The following CLSTN1 variants were observed in gnomAD, a reference collection of about 807,000 sequenced individuals.
CLSTN1 encodes the protein calsyntenin 1.
Under a neutral mutation model 108.3 loss-of-function variants are expected in CLSTN1, and 28 were observed. The observed-to-expected ratio is 0.26, with a 90% CI of 0.19 to 0.35. The LOEUF is 0.35. Among genes scored for constraint, CLSTN1 ranks in the 10% least tolerant of loss-of-function variants. The pLI, the probability that CLSTN1 is intolerant of heterozygous loss-of-function variation, is 1.00. For synonymous variants in CLSTN1, 524 were observed against 534.9 expected (o/e 0.98, Z 0.28); for missense variants, 1,157 against 1,302.6 (o/e 0.89, Z 1.72).
chr1:9,762,976 T>C (rs1316224791), intron 2 of CLSTN1, among the ~76,000 whole-genome samples: 2 of 152,106 alleles, frequency 1.3e-5, no homozygotes, highest in African/African-American at 4.8e-5. Context: ...TTTTCTTTTT[T>C]TTGGAGACAG....
chr1:9,783,064 AT>A (rs113732801), intron 1 of CLSTN1, among the ~76,000 whole-genome samples: 10 of 152,188 alleles, frequency 6.6e-5, no homozygotes, highest in African/African-American at 2.4e-4. Flanking sequence ...AGTAACGGGG[AT>A]TTCAGCAGGT....
intron 7 of CLSTN1, among the ~76,000 whole-genome samples, chr1:9,746,191 C>T (rs908681553): frequency 2.6e-5 from 4 of 152,154 alleles, no homozygotes; most frequent in African/African-American, 7.2e-5. Context: ...TTATGTGTCT[C>T]CATGATTATT....
intron 1 of CLSTN1, among the ~76,000 whole-genome samples, chr1:9,790,354 T>C (rs115755617): frequency 0.027 from 4,107 of 151,608 alleles, 107 homozygotes; most frequent in Non-Finnish European, 0.042. Flanking sequence ...AATGAATGAA[T>C]AGCATCTTCT....
At chr1:9,759,587 TAC>T (rs1177141389) in intron 2 of CLSTN1, among the ~76,000 whole-genome samples, 1 of 152,210 alleles carries the variant, frequency 6.6e-6, no homozygotes, top group African/African-American at 2.4e-5. Flanking sequence ...TGGCCTCAAA[TAC>T]AGTTTCTATA....
intron 1 of CLSTN1, among the ~76,000 whole-genome samples, chr1:9,808,025 C>T (rs1654579696): frequency 6.6e-6 from 1 of 152,206 alleles, no homozygotes; most frequent in South Asian, 2.1e-4. Context: ...CCAATGCCTC[C>T]CACCACTCCA....
At chr1:9,760,078 G>GTTGT (rs1651998874) in intron 2 of CLSTN1, among the ~76,000 whole-genome samples, 1 of 151,814 alleles carries the variant, frequency 6.6e-6, no homozygotes, top group African/African-American at 2.4e-5. Context: ...TTGTTGGTTG[G>GTTGT]TTGTTTTAGA....
At chr1:9,786,658 A>AAC (rs1311519687) in intron 1 of CLSTN1, among the ~76,000 whole-genome samples, 1 of 150,100 alleles carries the variant, frequency 6.7e-6, no homozygotes, top group Non-Finnish European at 1.5e-5. Flanking sequence ...CAAAAAAAAA[A>AAC]AAAAAAAAAA....
rs553735504 is a variant in CLSTN1, at chr1:9,744,500, C to T, written c.1129G>A (p.Val377Ile). The change falls in exon 8 of 19, where the codon GTC becomes ATC. Residue 377 changes from valine (V) to isoleucine (I), a missense_variant. Coordinates refer to ENST00000377298, the MANE Select transcript of CLSTN1 (RefSeq NM_001009566.3). ...GTQAVRIPDGVVSVSPKEPFT... is the reference protein window; with the variant it reads ...GTQAVRIPDGIVSVSPKEPFT... ...GGCTCTTTGGGGCTGACCGACACGACGCCATCCGGGATCCTCACTGCCTGG... is the reference window on the plus strand; with the variant it reads ...GGCTCTTTGGGGCTGACCGACACGATGCCATCCGGGATCCTCACTGCCTGG... 7.4e-5 allele frequency: 119 copies of T among 1,612,794 alleles called. No individual in the cohort carries two copies. The Admixed American group carries it at 1.7e-3, about 23-fold the overall frequency.
intron 1 of CLSTN1, among the ~76,000 whole-genome samples, chr1:9,815,464 T>C (rs1214542539): frequency 1.3e-5 from 2 of 152,160 alleles, no homozygotes; most frequent in African/African-American, 4.8e-5. Context: ...AAGGAATTGG[T>C]TGGATGAAAT....
intron 1 of CLSTN1, among the ~76,000 whole-genome samples, chr1:9,804,959 T>TAAAAATACAATAC (rs1396490744): frequency 2.0e-4 from 31 of 151,900 alleles, no homozygotes; most frequent in African/African-American, 7.5e-4. Flanking sequence ...CCGTCTCTAC[T>TAAAAATACAATAC]AAAAATACAA....
intron 1 of CLSTN1, among the ~76,000 whole-genome samples, chr1:9,814,469 A>T (rs750477050): frequency 3.3e-5 from 5 of 152,234 alleles, no homozygotes; most frequent in Non-Finnish European, 5.9e-5. Flanking sequence ...ATTCACTTTG[A>T]ATCTAAAGAC....
chr1:9,776,525 A>T (rs932968314), intron 1 of CLSTN1, among the ~76,000 whole-genome samples: 5 of 145,844 alleles, frequency 3.4e-5, no homozygotes, highest in East Asian at 6.4e-4. Context: ...GTTTACATTT[A>T]AAAAAAAAAA....
intron 1 of CLSTN1, among the ~76,000 whole-genome samples, chr1:9,796,414 C>T (rs183382470): frequency 0.022 from 3,286 of 150,274 alleles, 152 homozygotes; most frequent in African/African-American, 0.071. Flanking sequence ...CGGTGGCTCA[C>T]GCCTGTAATC....
In CLSTN1 at chr1:9,768,728, G is replaced by A. The variant is rs1481165617; in HGVS notation, c.214+4544C>T. Among the ~76,000 whole-genome samples, 15 of 101,808 alleles carry A rather than the reference G, an allele frequency of 1.5e-4. No individual in the cohort carries two copies. The East Asian group carries it at 2.6e-3, about 17-fold the overall frequency. The allele number at this position is 101,808 out of a possible 152,430, so 66.8% of individuals were successfully genotyped here. A position where few individuals can be genotyped will look rare whatever the true frequency, so the allele number is the denominator to read the frequency against. Reference sequence around the variant, plus strand: ...CTGTGCTGGGTGGCACCATGGGGGTGGGGTTGTGTTGGGTGGCATCATGGG... The same window carrying A: ...CTGTGCTGGGTGGCACCATGGGGGTAGGGTTGTGTTGGGTGGCATCATGGG... On this transcript the variant is annotated intron_variant, in intron 2 of 18. Transcript: ENST00000377298.
chr1:9,776,458 T>C (rs1386627535), intron 1 of CLSTN1, among the ~76,000 whole-genome samples: 1 of 152,122 alleles, frequency 6.6e-6, no homozygotes, highest in Non-Finnish European at 1.5e-5. Flanking sequence ...AGTGTGAATG[T>C]ACTTGATGCT....
intron 1 of CLSTN1, among the ~76,000 whole-genome samples, chr1:9,821,203 G>T (rs768750237): frequency 6.6e-6 from 1 of 152,152 alleles, no homozygotes; most frequent in Non-Finnish European, 1.5e-5. Context: ...CGCAATCTCG[G>T]CTCACTGCAA....
chr1:9,773,899 A>T (rs1306836845), intron 1 of CLSTN1, among the ~76,000 whole-genome samples: 169 of 133,376 alleles, frequency 1.3e-3, no homozygotes, highest in African/African-American at 4.4e-3. Context: ...TACTTGACTT[A>T]TTTTTTTTTT....
At chr1:9,770,536 T>C (rs969914464) in intron 2 of CLSTN1, among the ~76,000 whole-genome samples, 7 of 152,352 alleles carry the variant, frequency 4.6e-5, no homozygotes, top group African/African-American at 1.7e-4. Flanking sequence ...CCCGACCAGC[T>C]ACACGCCCAG....
At chr1:9,818,387 G>A (rs997720911) in intron 1 of CLSTN1, among the ~76,000 whole-genome samples, 1 of 151,270 alleles carries the variant, frequency 6.6e-6, no homozygotes, top group Non-Finnish European at 1.5e-5. Flanking sequence ...GGAGTGCGGC[G>A]GTGTGATCTC....
Sources: allele counts gnomAD v4.1 joint callset (sites outside exome capture counted in the v4.1 genomes callset), GRCh38; gene constraint gnomAD v4.1.1; transcripts MANE v1.5; gene names NCBI Gene and HGNC (gene_info 2026-07-23, HGNC 2026-07-21).